Variants in PKIB observed in about 807,000 individuals in gnomAD.
PKIB encodes cAMP-dependent protein kinase inhibitor beta.
A neutral mutation model predicts 4.5 loss-of-function variants in PKIB; 2 were observed. The observed-to-expected ratio is 0.44, with a 90% CI of 0.18 to 1.39. The LOEUF is 1.39. Ranked by LOEUF, PKIB falls within the 40% of genes most tolerant of loss-of-function variation. The probability of loss-of-function intolerance (pLI) is 0.27; values close to 1 mark genes in which losing one functional copy is unlikely to be tolerated. For synonymous variants in PKIB, 38 were observed against 36.0 expected, an observed-to-expected ratio of 1.06 and a Z score of -0.20; for missense variants, 94 against 92.6, an observed-to-expected ratio of 1.02 and a Z score of -0.06.
In PKIB at chr6:122,596,612, C is replaced by T. The variant is rs9490490; in HGVS notation, c.-161+10605C>T. Among the ~76,000 whole-genome samples the T allele has an allele frequency of 5.3e-4, 81 of 152,252 alleles. 1 individual carries two copies. Among genetic ancestry groups the T allele is most frequent in the African/African-American group, 1.9e-3 (81 of 41,552 alleles). ...TCAAACGTTCAGTTTCTACCAAAGC[C>T]CAGTAATAGGCCAAGAGCTCTCTCT... is the stretch of plus-strand genomic sequence containing the variant. On this transcript the variant is annotated intron_variant, in intron 3 of 6. Transcript: ENST00000392491.
chr6:122,485,748 A>G (rs1346292809), intron 2 of PKIB, among the ~76,000 whole-genome samples: 2 of 152,222 alleles, frequency 1.3e-5, no homozygotes, highest in African/African-American at 4.8e-5. Flanking sequence ...AATCATTAGC[A>G]GTCGAGTGCC....
intron 3 of PKIB, among the ~76,000 whole-genome samples, chr6:122,716,915 C>A (rs771728477): frequency 3.9e-5 from 6 of 152,138 alleles, no homozygotes; most frequent in African/African-American, 1.4e-4. Context: ...GTATACCATA[C>A]GTCTGTACTC....
At chr6:122,533,795 G>A (rs8180553) in intron 2 of PKIB, among the ~76,000 whole-genome samples, 74 of 151,998 alleles carry the variant, frequency 4.9e-4, no homozygotes, top group South Asian at 2.1e-3. Context: ...ATGGGTCTGC[G>A]TTTTCCTCTT....
intron 1 of PKIB, among the ~76,000 whole-genome samples, chr6:122,617,453 G>A (rs896221549): frequency 6.6e-6 from 1 of 152,152 alleles, no homozygotes; most frequent in African/African-American, 2.4e-5. Context: ...TTTCAACTCT[G>A]AGAAATTCAT....
At chr6:122,547,629 C>T (rs1055016859) in intron 2 of PKIB, among the ~76,000 whole-genome samples, 4 of 151,118 alleles carry the variant, frequency 2.6e-5, no homozygotes, top group South Asian at 2.1e-4. Context: ...TGAGCCACCG[C>T]GCCCGGCCTA....
chr6:122,519,007 T>G (rs1226026557), intron 2 of PKIB, among the ~76,000 whole-genome samples: 4 of 152,162 alleles, frequency 2.6e-5, no homozygotes, highest in African/African-American at 9.7e-5. Flanking sequence ...AATACAAGTA[T>G]GAGCACTTAT....
intron 2 of PKIB, among the ~76,000 whole-genome samples, chr6:122,571,716 C>A (rs759903571): frequency 1.3e-5 from 2 of 152,146 alleles, no homozygotes; most frequent in Non-Finnish European, 1.5e-5. Flanking sequence ...ACCAGCACTA[C>A]AATAAATGCT....
chr6:122,687,746 C>A (rs1473838481), intron 3 of PKIB, among the ~76,000 whole-genome samples: 1 of 151,790 alleles, frequency 6.6e-6, no homozygotes, highest in Non-Finnish European at 1.5e-5. Flanking sequence ...TTTTTGATTT[C>A]TTTTTCAGAT....
chr6:122,626,175 G>A (rs974859263), intron 1 of PKIB, among the ~76,000 whole-genome samples: 1 of 152,138 alleles, frequency 6.6e-6, no homozygotes, highest in Non-Finnish European at 1.5e-5. Context: ...ATTTTGTTGT[G>A]AACACTTACT....
At chr6:122,657,873 A>G (rs934507237) in intron 2 of PKIB, among the ~76,000 whole-genome samples, 6 of 152,208 alleles carry the variant, frequency 3.9e-5, no homozygotes, top group African/African-American at 1.4e-4. Context: ...TTGAGCCATT[A>G]AGGGACATAA....
chr6:122,489,971 C>T (rs965500407), intron 2 of PKIB, among the ~76,000 whole-genome samples: 3 of 152,140 alleles, frequency 2.0e-5, no homozygotes, highest in African/African-American at 7.2e-5. Flanking sequence ...TTTCACTGCC[C>T]TTTCTGTGTA....
chr6:122,503,453 A>T (rs1234243839), intron 2 of PKIB, among the ~76,000 whole-genome samples: 1 of 152,220 alleles, frequency 6.6e-6, no homozygotes, highest in African/African-American at 2.4e-5. Flanking sequence ...AAACTGGCTT[A>T]AGAAATTAAG....
intron 1 of PKIB, among the ~76,000 whole-genome samples, chr6:122,618,755 G>A (rs890472711): frequency 5.3e-5 from 8 of 152,096 alleles, no homozygotes; most frequent in Admixed American, 2.6e-4. Flanking sequence ...ATAAACAATA[G>A]CATAGTAGAT....
At chr6:122,575,471 G>T (rs1462150305) in intron 2 of PKIB, among the ~76,000 whole-genome samples, 2 of 152,072 alleles carry the variant, frequency 1.3e-5, no homozygotes, top group Non-Finnish European at 1.5e-5. Context: ...GCACACTCAT[G>T]TTTAAAGCAG....
chr6:122,557,826 T>C (rs1321923283), intron 2 of PKIB, among the ~76,000 whole-genome samples: 1 of 152,196 alleles, frequency 6.6e-6, no homozygotes, highest in Admixed American at 6.5e-5. Flanking sequence ...TACTCCTTAT[T>C]TGATCTTCCT....
chr6:122,707,207 C>G (rs1779098551), intron 3 of PKIB, among the ~76,000 whole-genome samples: 1 of 151,502 alleles, frequency 6.6e-6, no homozygotes, highest in Non-Finnish European at 1.5e-5. Context: ...GATTTTTTTT[C>G]CTCTATGACC....
intron 1 of PKIB, among the ~76,000 whole-genome samples, chr6:122,619,088 A>C (rs1340298420): frequency 6.6e-6 from 1 of 152,014 alleles, no homozygotes; most frequent in African/African-American, 2.4e-5. Flanking sequence ...CTGTTTTTTC[A>C]ATCTGTTTGC....
chr6:122,687,814 G>T (rs1778152963), intron 3 of PKIB, among the ~76,000 whole-genome samples: 2 of 152,076 alleles, frequency 1.3e-5, no homozygotes, highest in Non-Finnish European at 2.9e-5. Flanking sequence ...TTTGCATCCT[G>T]ATATTCTACT....
At chr6:122,504,574 A>G (rs1394626173) in intron 2 of PKIB, among the ~76,000 whole-genome samples, 4 of 152,238 alleles carry the variant, frequency 2.6e-5, no homozygotes, top group African/African-American at 9.6e-5. Context: ...TGTTTGTTAG[A>G]AATCCCTGGA....
Sources: allele counts gnomAD v4.1 joint callset (sites outside exome capture counted in the v4.1 genomes callset), GRCh38; gene constraint gnomAD v4.1.1; transcripts MANE v1.5; gene names NCBI Gene and HGNC (gene_info 2026-07-23, HGNC 2026-07-21).